LRP5: variants seen among roughly 807,000 people sequenced by gnomAD.
LRP5 encodes the protein low-density lipoprotein receptor-related protein 5.
In LRP5, 62 loss-of-function variants were observed where a neutral mutation model predicts 154.1. The ratio of observed to expected loss-of-function variants is 0.40; its 90% CI spans 0.33 to 0.50. LRP5 has a LOEUF of 0.50. Ranked by LOEUF, LRP5 falls within the 20% of genes least tolerant of loss-of-function variation. LRP5 has a pLI of 0.55. For missense variants in LRP5, 1,915 were observed against 2,336.7 expected (o/e 0.82, Z 3.72); for synonymous variants, 966 against 1,011.5 (o/e 0.96, Z 0.85).
intron 1 of LRP5, among the ~76,000 whole-genome samples, chr11:68,338,996 C>G (rs2098607321): frequency 6.7e-6 from 1 of 149,356 alleles, no homozygotes; most frequent in African/African-American, 2.5e-5. Flanking sequence ...GCCTCAGCCT[C>G]CCGAGTAGCT....
At chr11:68,371,195 T>C (rs1276605283) in intron 5 of LRP5, among the ~76,000 whole-genome samples, 6 of 152,220 alleles carry the variant, frequency 3.9e-5, no homozygotes, top group African/African-American at 1.4e-4. Context: ...AAACTCTTCT[T>C]AGAAGCATTT....
intron 1 of LRP5, among the ~76,000 whole-genome samples, chr11:68,334,142 G>A (rs931802173): frequency 3.3e-5 from 5 of 152,192 alleles, no homozygotes; most frequent in African/African-American, 9.7e-5. Flanking sequence ...GCTGAGGCAG[G>A]AGAATCACTT....
chr11:68,434,391 TTCATTC>T (rs1452861899), intron 18 of LRP5, among the ~76,000 whole-genome samples: 502 of 140,274 alleles, frequency 3.6e-3, no homozygotes, highest in Middle Eastern at 0.015. Flanking sequence ...CATTCATTCA[TTCATTC>T]GAGACAGAGT....
chr11:68,411,182 G>A (rs1033197136), intron 10 of LRP5, among the ~76,000 whole-genome samples: 10 of 152,166 alleles, frequency 6.6e-5, no homozygotes, highest in African/African-American at 1.9e-4. Context: ...TTTTGTGTCC[G>A]TAAGTGGGTA....
chr11:68,382,783 T>TACCC (rs1279683824), intron 5 of LRP5, among the ~76,000 whole-genome samples: 1 of 152,186 alleles, frequency 6.6e-6, no homozygotes, highest in Non-Finnish European at 1.5e-5. Flanking sequence ...GCCGGGAGCC[T>TACCC]ACCCTCTCTG....
In LRP5 at chr11:68,386,818, C is replaced by T; in HGVS notation, c.1412+106C>T. ...TCTGGGACACTGTCTTGCATCAGAA[C>T]CCGGAGGAGGGCTTGTTAAAACACC... On this transcript the variant is annotated intron_variant, in intron 6 of 22. Coordinates refer to ENST00000294304, the MANE Select transcript of LRP5 (RefSeq NM_002335.4). The surrounding 1 kb of genome is among the most constrained non-coding windows in gnomAD (Gnocchi z 7.9). 1.5e-6 allele frequency: 2 copies of T among 1,314,392 alleles called. No homozygotes were observed. The highest frequency in any genetic ancestry group is 2.1e-6 in the Non-Finnish European group (2 of 974,556). 81.4% of individuals were successfully genotyped at this position (1,314,392 alleles called of 1,614,324 possible).
chr11:68,441,368 G>A (rs1033259014), intron 21 of LRP5, among the ~76,000 whole-genome samples: 17 of 152,222 alleles, frequency 1.1e-4, no homozygotes, highest in African/African-American at 3.6e-4. Flanking sequence ...GTGAGCCACC[G>A]TGCCTGGCCT....
chr11:68,389,826 A>G, intron 6 of LRP5, 55 bp from the exon 7 acceptor site: 1 of 1,600,786 alleles, frequency 6.2e-7, no homozygotes. Flanking sequence ...GGCACTGGGG[A>G]TGCTGCAGAG....
At chr11:68,304,806 C>T in the LRP5 span, among the ~76,000 whole-genome samples, 1 of 152,232 alleles carries the variant, frequency 6.6e-6, no homozygotes, top group Non-Finnish European at 1.5e-5. Flanking sequence ...GGGCCTATAG[C>T]CCCTTTCTTT....
Position 68,447,191 on chromosome 11 carries a change from C to T in LRP5, c.4586+658C>T, listed in dbSNP as rs2098681895. Reference sequence around the variant, plus strand: ...GTCTCCGCAGGGGCTGGATCAGAGCCTGGGATGGGCAGGGTGAGCCTCCTG... The same window carrying T: ...GTCTCCGCAGGGGCTGGATCAGAGCTTGGGATGGGCAGGGTGAGCCTCCTG... On this transcript the variant is annotated intron_variant, in intron 22 of 22. Coordinates refer to ENST00000294304, the MANE Select transcript of LRP5 (RefSeq NM_002335.4). The surrounding 1 kb of genome is among the most constrained non-coding windows in gnomAD (Gnocchi z 4.3). 1 of 156,340 alleles carries T rather than the reference C, an allele frequency of 6.4e-6. No homozygotes were observed. The highest frequency in any genetic ancestry group is 1.4e-5 in the Non-Finnish European group (1 of 70,526). The allele number at this position is 156,340 out of a possible 1,614,324, so 9.7% of individuals were successfully genotyped here. A position where few individuals can be genotyped will look rare whatever the true frequency, so the allele number is the denominator to read the frequency against.
chr11:68,381,278 G>A (rs1252763229), intron 5 of LRP5, among the ~76,000 whole-genome samples: 1 of 152,074 alleles, frequency 6.6e-6, no homozygotes, highest in African/African-American at 2.4e-5. Context: ...AGGGTGTGTG[G>A]GGGGGTGCAT....
intron 10 of LRP5, among the ~76,000 whole-genome samples, 196 bp from the exon 11 acceptor site, chr11:68,411,240 G>A (rs980096280): frequency 6.6e-5 from 10 of 152,334 alleles, no homozygotes; most frequent in East Asian, 1.9e-4. Flanking sequence ...GGGAGGTGGC[G>A]CAGTGACCAC....
chr11:68,376,654 G>C (rs930503582), intron 5 of LRP5, among the ~76,000 whole-genome samples: 1 of 152,200 alleles, frequency 6.6e-6, no homozygotes, highest in African/African-American at 2.4e-5. Flanking sequence ...GCAGCCATGC[G>C]TCAGGCTGGA....
chr11:68,328,194 C>T (rs141240231), intron 1 of LRP5, among the ~76,000 whole-genome samples: 2 of 152,210 alleles, frequency 1.3e-5, no homozygotes, highest in Non-Finnish European at 2.9e-5. Flanking sequence ...CTGCTGATGG[C>T]GGCCTTCGGG....
intron 5 of LRP5, among the ~76,000 whole-genome samples, chr11:68,376,540 A>G (rs1174147465): frequency 2.0e-5 from 3 of 152,118 alleles, no homozygotes; most frequent in African/African-American, 7.2e-5. Flanking sequence ...GCTGAGGTCT[A>G]TGGAGGAAGG....
intron 5 of LRP5, among the ~76,000 whole-genome samples, chr11:68,374,584 A>C (rs767642353): frequency 1.4e-4 from 21 of 152,206 alleles, no homozygotes; most frequent in Admixed American, 4.6e-4. Flanking sequence ...ATTTGGATTA[A>C]CTTTGACAGC....
At chr11:68,366,007 G>A (rs907486212) in intron 5 of LRP5, among the ~76,000 whole-genome samples, 8 of 152,036 alleles carry the variant, frequency 5.3e-5, no homozygotes, top group Non-Finnish European at 1.2e-4. Flanking sequence ...TTGCAGTGAG[G>A]CATGGCTCTT....
chr11:68,360,988 C>T (rs2098627480), intron 3 of LRP5, among the ~76,000 whole-genome samples: 1 of 68,384 alleles, frequency 1.5e-5, no homozygotes, highest in Non-Finnish European at 2.5e-5. Flanking sequence ...CAGAGCAAGA[C>T]TCTATCTCAA....
In LRP5 at chr11:68,386,212, C is replaced by G. The variant is rs2098642898; in HGVS notation, c.1016-104C>G. ...ATCACCAGCCTTTGCAAGGAGAGCC[C>G]TGGGGGCCTGGCTGAGTATTTCCCT... is the stretch of plus-strand genomic sequence containing the variant. On this transcript the variant is annotated intron_variant, in intron 5 of 22. Transcript: ENST00000294304. The surrounding 1 kb of genome is among the most constrained non-coding windows in gnomAD (Gnocchi z 7.9). 3 of 1,442,746 alleles carry G rather than the reference C, an allele frequency of 2.1e-6. No individual in the cohort carries two copies. Among genetic ancestry groups the G allele is most frequent in the Non-Finnish European group, 2.9e-6 (3 of 1,041,560 alleles). The allele number at this position is 1,442,746 out of a possible 1,614,324, so 89.4% of individuals were successfully genotyped here. A position where few individuals can be genotyped will look rare whatever the true frequency, so the allele number is the denominator to read the frequency against.
Sources: gnomAD v4.1 joint callset for allele counts (sites outside exome capture counted in the v4.1 genomes callset) on GRCh38, gnomAD v4.1.1 for gene constraint, Gnocchi (gnomAD v3.1) non-coding constraint, MANE v1.5 for transcripts, NCBI Gene and HGNC (gene_info 2026-07-23, HGNC 2026-07-21) for gene names.